KARS1: variants seen among roughly 807,000 people sequenced by gnomAD.
The protein encoded by KARS1 is lysyl-tRNA synthetase 1, also known as lysine--tRNA ligase.
A neutral mutation model predicts 63.9 loss-of-function variants in KARS1; 50 were observed. The observed-to-expected ratio is 0.78, with a 90% confidence interval of 0.62 to 0.99. The LOEUF (loss-of-function observed/expected upper bound fraction) is 0.99. KARS1 is among the 50% of genes least tolerant of loss of function. The pLI, the probability that KARS1 is intolerant of heterozygous loss-of-function variation, is 0.00. For missense variants in KARS1, 816 were observed against 754.5 expected, an observed-to-expected ratio of 1.08 and a Z score of -0.95; for synonymous variants, 320 against 264.6, an observed-to-expected ratio of 1.21 and a Z score of -2.03.
intron 9 of KARS1, 57 bp downstream of exon 9, chr16:75,631,359 T>C (rs1402833266): frequency 6.3e-7 from 1 of 1,598,126 alleles, no homozygotes; most frequent in Non-Finnish European, 8.6e-7. Context: ...CCAATCAAAT[T>C]CAGAGCTGAA....
chr16:75,627,779 G>A lies in KARS1; in HGVS notation c.*116C>T. On this transcript the variant is annotated 3_prime_UTR_variant, in exon 14 of 14. Coordinates refer to ENST00000302445, the MANE Select transcript of KARS1 (RefSeq NM_005548.3). Reference sequence around the variant, plus strand: ...TTAATTCCTTGTCTCTCTTCTGATGGCTGAACAGAACTGCGGTGTCAAATG... The same window carrying A: ...TTAATTCCTTGTCTCTCTTCTGATGACTGAACAGAACTGCGGTGTCAAATG... The A allele has an allele frequency of 1.3e-6, 1 of 765,642 alleles. No homozygotes were observed. Among genetic ancestry groups the A allele is most frequent in the Non-Finnish European group, 2.4e-6 (1 of 413,340 alleles). The allele number at this position is 765,642 out of a possible 1,614,324, so 47.4% of individuals were successfully genotyped here.
intron 1 of KARS1, among the ~76,000 whole-genome samples, chr16:75,645,267 G>GT (rs780994154): frequency 2.6e-5 from 4 of 152,226 alleles, no homozygotes; most frequent in Non-Finnish European, 5.9e-5. Flanking sequence ...GTAAGACAAC[G>GT]TGAGTAGTGC....
chr16:75,641,485 T>C, intron 2 of KARS1, 79 bp downstream of exon 2: 1 of 1,273,368 alleles, frequency 7.9e-7, no homozygotes, highest in Non-Finnish European at 1.1e-6. Flanking sequence ...CCTCCTACTG[T>C]CCAGTCCCAA....
chr16:75,647,597 C>G lies in KARS1; in HGVS notation c.43G>C (p.Glu15Gln). The change falls in exon 1 of 14, where the codon GAG (glutamate) becomes CAG (glutamine). Residue 15 changes from glutamate (E) to glutamine (Q), a missense_variant. Coordinates refer to ENST00000302445, the MANE Select transcript of KARS1 (RefSeq NM_005548.3). ...ACTCACTTCTTGCTCAGTTTCGGCT[C>G]GCTGCCATCCACTTTCACCTCGGCC... ...QAAEVKVDGS[E>Q]PKLSKNELKR... 1 of 1,613,394 alleles carries G rather than the reference C, an allele frequency of 6.2e-7. No individual in the cohort carries two copies. The highest frequency in any genetic ancestry group is 1.1e-5 in the South Asian group (1 of 91,030).
chr16:75,627,899 AC>A lies in KARS1; in HGVS notation c.1789del (p.Val597SerfsTer4), dbSNP rs755761756. ...TLESTTVGTS[V>X] The stretch of plus-strand genomic sequence containing the variant: ...ACAACTTGCAATTATTATTTTCTAG[AC>A]AGAAGTGCCAACTGTTGTGCTTTCC... On this transcript the variant is annotated frameshift_variant, in exon 14 of 14. Coordinates refer to ENST00000302445, the MANE Select transcript of KARS1 (RefSeq NM_005548.3). LOFTEE classifies it high-confidence loss of function. The A allele has an allele frequency of 6.4e-7, 1 of 1,562,414 alleles. No individual in the cohort carries two copies. Among genetic ancestry groups the A allele is most frequent in the African/African-American group, 1.4e-5 (1 of 73,318 alleles).
rs1597178733 is a variant in KARS1, at chr16:75,644,916, C to T, written c.62+2662G>A. Among the ~76,000 whole-genome samples, 5 of 152,164 alleles carry T rather than the reference C, an allele frequency of 3.3e-5. No homozygotes were observed. The South Asian group carries it at 1.0e-3, about 32-fold the overall frequency. The stretch of plus-strand genomic sequence containing the variant: ...GATAAATGCAAGCCACACAAAAATA[C>T]GTGTCAAAGAGAAGACTTGTTTGGA... On this transcript the variant is annotated intron_variant, in intron 1 of 13. Transcript: ENST00000302445.
chr16:75,640,463 C>T (rs1462751427), intron 2 of KARS1, 114 bp from the exon 3 acceptor site: 2 of 979,344 alleles, frequency 2.0e-6, no homozygotes, highest in East Asian at 4.8e-5. Flanking sequence ...ACATTGTTTT[C>T]TTTAACCAAG....
chr16:75,628,942 T>A, intron 12 of KARS1: 1 of 576,126 alleles, frequency 1.7e-6, no homozygotes, highest in Non-Finnish European at 3.1e-6. Flanking sequence ...CAAATTTCTC[T>A]GAAAGAAAAC....
intron 1 of KARS1, among the ~76,000 whole-genome samples, chr16:75,646,103 A>G (rs905788479): frequency 6.6e-6 from 1 of 152,202 alleles, no homozygotes; most frequent in African/African-American, 2.4e-5. Context: ...CAGTCCAAAG[A>G]CCAGGTTCCA....
rs749306477 is a variant in KARS1 at position 75,641,619 on chromosome 16, G to C, written c.167C>G (p.Thr56Ser). 1.2e-6 allele frequency: 2 copies of C among 1,613,976 alleles called. No individual in the cohort carries two copies. The highest frequency in any genetic ancestry group is 3.3e-5 in the Admixed American group (2 of 60,016). Reference protein sequence around the residue: ...KQLSQATAAATNHTTDNGVGP... With the variant: ...KQLSQATAAASNHTTDNGVGP... ...CACACCATTATCAGTGGTGTGGTTG[G>C]TGGCAGCAGCAGTGGCTTGGCTTAG... Residue 56 changes from threonine to serine, a missense_variant, in exon 2 of 14, where the codon ACC becomes AGC. By Grantham distance (58) the Thr-to-Ser change is moderately conservative (BLOSUM62 1). Coordinates refer to ENST00000302445, the MANE Select transcript of KARS1 (RefSeq NM_005548.3).
rs1427592270 is a variant in KARS1, at chr16:75,634,177, T to A, written c.911A>T (p.His304Leu). Residue 304 changes from histidine to leucine, a missense_variant, in exon 7 of 14, where the codon CAT (histidine) becomes CTT (leucine). Coordinates refer to ENST00000302445, the MANE Select transcript of KARS1 (RefSeq NM_005548.3). ...LYMRIAPELY[H>L]KMLVVGGIDR... ...GGGTGTACTATTACTGACTACCTTA[T>A]GATAGAGTTCTGGAGCAATTCTCAT... The A allele has an allele frequency of 1.2e-6, 2 of 1,613,758 alleles. No homozygotes were observed. Among genetic ancestry groups the A allele is most frequent in the African/African-American group, 2.7e-5 (2 of 74,930 alleles).
intron 1 of KARS1, among the ~76,000 whole-genome samples, chr16:75,644,853 G>C (rs1472656842): frequency 6.6e-6 from 1 of 152,198 alleles, no homozygotes; most frequent in East Asian, 1.9e-4. Context: ...TATAAAATAA[G>C]AGGAAACTGT....
At position 75,640,112 on chromosome 16, in the gene KARS1, T is replaced by C. The variant is rs2082206624; in HGVS notation, c.388+72A>G. The C allele has an allele frequency of 4.5e-6, 6 of 1,330,836 alleles. No individual in the cohort carries two copies. The South Asian group carries it at 7.0e-5, about 16-fold the overall frequency. 82.4% of individuals were successfully genotyped at this position (1,330,836 alleles called of 1,614,324 possible). On this transcript the variant is annotated intron_variant, in intron 3 of 13. Coordinates refer to ENST00000302445, the MANE Select transcript of KARS1 (RefSeq NM_005548.3). Reference sequence around the variant, plus strand: ...CTTGAGAACAAGACCAACCCAGACCTTCCCTTGTGCTACTGAAGCCGCAGG... The same window carrying C: ...CTTGAGAACAAGACCAACCCAGACCCTCCCTTGTGCTACTGAAGCCGCAGG...
At chr16:75,632,856 G>A (rs2082127192) in intron 7 of KARS1, among the ~76,000 whole-genome samples, 1 of 152,188 alleles carries the variant, frequency 6.6e-6, no homozygotes, top group African/African-American at 2.4e-5. Flanking sequence ...CCTTTTGGAA[G>A]GCCGAAAGGT....
chr16:75,635,165 A>G (rs2082149374), intron 6 of KARS1, among the ~76,000 whole-genome samples: 1 of 152,232 alleles, frequency 6.6e-6, no homozygotes, highest in Non-Finnish European at 1.5e-5. Flanking sequence ...TATTTAAACC[A>G]AAAATAAAAC....
chr16:75,636,719 C>T lies in KARS1; in HGVS notation c.389-172G>A, dbSNP rs149956673. 2.7e-3 allele frequency among the ~76,000 whole-genome samples: 411 copies of T among 151,894 alleles called. 3 individuals carry two copies. Among genetic ancestry groups the T allele is most frequent in the Non-Finnish European group, 5.0e-3 (337 of 67,948 alleles). ...CACGATCTCAGCTCAATGCAACCTC[C>T]GCCTCCCAGGTTCAAGTGACTCTCC... On this transcript the variant is annotated intron_variant, in intron 3 of 13. Transcript: ENST00000302445.
At position 75,635,911 on chromosome 16, in the gene KARS1, C is replaced by T; in HGVS notation, c.669+1G>A. 1 of 1,614,150 alleles carries T rather than the reference C, an allele frequency of 6.2e-7. No individual in the cohort carries two copies. Among genetic ancestry groups the T allele is most frequent in the Non-Finnish European group, 8.5e-7 (1 of 1,180,018 alleles). ...ACAGCTAGGAGGCCAAGAACGCTTACCTTGTCTTTGAGGCCAAAGTGAAGA... is the reference window on the plus strand; with the variant it reads ...ACAGCTAGGAGGCCAAGAACGCTTATCTTGTCTTTGAGGCCAAAGTGAAGA... On this transcript the variant is annotated splice_donor_variant, in intron 5 of 13. Transcript: ENST00000302445. LOFTEE classifies it high-confidence loss of function.
Position 75,628,430 on chromosome 16 carries a change from G to C in KARS1, c.1695+139C>G, listed in dbSNP as rs1317923761. ...GTCAGAGGCTCTGGCCCTCCTGTGA[G>C]TGGCATGGAACTCCTCTGCCTGCTC... On this transcript the variant is annotated intron_variant, in intron 13 of 13. Coordinates refer to ENST00000302445, the MANE Select transcript of KARS1 (RefSeq NM_005548.3). The C allele has an allele frequency of 1.9e-5, 18 of 963,500 alleles. 1 individual carries two copies. The highest frequency in any genetic ancestry group is 2.8e-5 in the Non-Finnish European group (17 of 614,748). The allele number at this position is 963,500 out of a possible 1,614,324, so 59.7% of individuals were successfully genotyped here.
chr16:75,629,643 A>T, intron 11 of KARS1, 102 bp from the exon 12 acceptor site: 1 of 1,259,506 alleles, frequency 7.9e-7, no homozygotes, highest in Non-Finnish European at 1.1e-6. Context: ...TCTGTCACGC[A>T]GGCTGGAGTG....
Sources: gnomAD v4.1 joint callset for allele counts (sites outside exome capture counted in the v4.1 genomes callset) on GRCh38, gnomAD v4.1.1 for gene constraint, MANE v1.5 for transcripts, NCBI Gene and HGNC (gene_info 2026-07-23, HGNC 2026-07-21) for gene names.